The following PDE11A variants were observed in gnomAD, a reference collection of about 807,000 sequenced individuals.
PDE11A encodes the protein phosphodiesterase 11A.
A neutral mutation model predicts 100.5 loss-of-function variants in PDE11A; 100 were observed. That is an observed-to-expected ratio of 1.00 (90% CI 0.85 to 1.18). The LOEUF is 1.18. PDE11A is among the 50% of genes most tolerant of loss of function. The pLI is 0.00. For synonymous variants in PDE11A, 381 were observed against 420.8 expected, an observed-to-expected ratio of 0.91 and a Z score of 1.16; for missense variants, 1,141 against 1,152.6, an observed-to-expected ratio of 0.99 and a Z score of 0.15.
chr2:177,811,991 A>T (rs771486257), intron 9 of PDE11A, among the ~76,000 whole-genome samples: 5 of 152,302 alleles, frequency 3.3e-5, no homozygotes, highest in Admixed American at 1.3e-4. Context: ...CAGTCAGCAT[A>T]GTCTTACAAG....
chr2:178,096,749 G>A (rs976017361), intron 2 of PDE11A, among the ~76,000 whole-genome samples: 2 of 152,270 alleles, frequency 1.3e-5, no homozygotes, highest in East Asian at 1.9e-4. Flanking sequence ...CCACATCACT[G>A]TCAGCATTTT....
chr2:177,702,632 T>C (rs2081216673), intron 13 of PDE11A: 1 of 152,070 alleles, frequency 6.6e-6, no homozygotes, highest in Admixed American at 6.6e-5. Context: ...TTCCTCCAAC[T>C]TCAGTGGGAG....
intron 2 of PDE11A, among the ~76,000 whole-genome samples, chr2:177,917,310 G>A (rs2084968859): frequency 6.6e-6 from 1 of 152,050 alleles, no homozygotes; most frequent in Non-Finnish European, 1.5e-5. Context: ...TGTTCCCATG[G>A]CCTTGATTTC....
intron 6 of PDE11A, among the ~76,000 whole-genome samples, chr2:177,832,554 C>CGTCTATCT (rs1558961247): frequency 2.7e-5 from 4 of 146,290 alleles, no homozygotes; most frequent in Non-Finnish European, 6.0e-5. Context: ...TACTCACATC[C>CGTCTATCT]ATCTATCTAT....
At chr2:178,042,477 C>A (rs1292305049) in intron 1 of PDE11A, among the ~76,000 whole-genome samples, 75 of 138,496 alleles carry the variant, frequency 5.4e-4, no homozygotes, top group African/African-American at 6.2e-4. Context: ...GACTCTGTCT[C>A]AAAAAAAAAA....
intron 2 of PDE11A, among the ~76,000 whole-genome samples, chr2:178,013,352 A>C (rs1191804375): frequency 6.6e-6 from 1 of 152,122 alleles, no homozygotes; most frequent in Non-Finnish European, 1.5e-5. Flanking sequence ...GAATTCAAAA[A>C]CCTTTAAGGA....
chr2:177,694,953 G>T (rs1237236519), intron 15 of PDE11A, among the ~76,000 whole-genome samples: 2 of 151,446 alleles, frequency 1.3e-5, no homozygotes, highest in Non-Finnish European at 2.9e-5. Context: ...TCTAACAACA[G>T]TTTTTAGTTT....
intron 10 of PDE11A, among the ~76,000 whole-genome samples, chr2:177,728,602 T>C (rs1401379785): frequency 6.6e-6 from 1 of 152,214 alleles, no homozygotes; most frequent in Non-Finnish European, 1.5e-5. Flanking sequence ...CACTTTGCCT[T>C]GTTTCTTATA....
intron 2 of PDE11A, among the ~76,000 whole-genome samples, chr2:177,958,515 C>T (rs188178472): frequency 6.6e-5 from 10 of 152,258 alleles, no homozygotes; most frequent in Admixed American, 1.3e-4. Context: ...GTAAGTTATT[C>T]CCTTGTAACC....
At chr2:177,661,480 G>T (rs1559131537) in intron 19 of PDE11A, among the ~76,000 whole-genome samples, 1 of 152,094 alleles carries the variant, frequency 6.6e-6, no homozygotes, top group Non-Finnish European at 1.5e-5. Flanking sequence ...TTTCATTTCG[G>T]AAGCACCAAC....
At chr2:177,939,937 T>C (rs1344459723) in intron 2 of PDE11A, among the ~76,000 whole-genome samples, 1 of 152,226 alleles carries the variant, frequency 6.6e-6, no homozygotes, top group Non-Finnish European at 1.5e-5. Flanking sequence ...CTTATAAAAT[T>C]TTATGAAGCA....
chr2:178,063,036 C>A (rs1270423638), intron 1 of PDE11A, among the ~76,000 whole-genome samples: 3 of 152,150 alleles, frequency 2.0e-5, no homozygotes, highest in African/African-American at 7.2e-5. Flanking sequence ...CAAATACCAT[C>A]ATTTTTAAAA....
chr2:178,016,128 C>T lies in PDE11A; in HGVS notation c.913-1668G>A, dbSNP rs940851997. 5.8e-5 allele frequency among the ~76,000 whole-genome samples: 5 copies of T among 85,814 alleles called. No homozygotes were observed. The South Asian group carries it at 1.2e-3, about 21-fold the overall frequency. 56.3% of individuals were successfully genotyped at this position (85,814 alleles called of 152,430 possible). On this transcript the variant is annotated intron_variant, in intron 1 of 19. Transcript: ENST00000286063. ...TACAGATGCAAGCCATCATGCCTGGCTAATTTTTTTTTTTTTTTTTTTTTT... is the reference window on the plus strand; with the variant it reads ...TACAGATGCAAGCCATCATGCCTGGTTAATTTTTTTTTTTTTTTTTTTTTT...
chr2:177,960,469 T>C (rs539252388), intron 2 of PDE11A, among the ~76,000 whole-genome samples: 1 of 152,240 alleles, frequency 6.6e-6, no homozygotes, highest in East Asian at 1.9e-4. Flanking sequence ...ATTAGAGTCA[T>C]TTCATGTCTA....
At position 177,647,265 on chromosome 2, in the gene PDE11A, C is replaced by T. The variant is rs116347875; in HGVS notation, c.2646+16601G>A. 6.6e-3 allele frequency among the ~76,000 whole-genome samples: 1,011 copies of T among 152,288 alleles called. 12 individuals carry two copies. Among genetic ancestry groups the T allele is most frequent in the African/African-American group, 0.023 (942 of 41,556 alleles). ...AACTTTTAGTTTGTTGAGCTGCAAACATTCATTCACTGTACATTTTTTGTA... is the reference window on the plus strand; with the variant it reads ...AACTTTTAGTTTGTTGAGCTGCAAATATTCATTCACTGTACATTTTTTGTA... On this transcript the variant is annotated intron_variant, in intron 19 of 19. Coordinates refer to ENST00000286063, the MANE Select transcript of PDE11A (RefSeq NM_016953.4).
intron 5 of PDE11A, among the ~76,000 whole-genome samples, chr2:177,873,279 A>G (rs537560200): frequency 7.8e-4 from 119 of 152,292 alleles, no homozygotes; most frequent in African/African-American, 2.6e-3. Flanking sequence ...TATATGAGAG[A>G]TATAACTTAT....
intron 2 of PDE11A, chr2:177,997,344 T>A (rs35286879): frequency 0.071 from 62,546 of 876,538 alleles, 2,725 homozygotes; most frequent in South Asian, 0.093. Context: ...GCATCTCTTT[T>A]TTGTTCTGCT....
At position 177,629,328 on chromosome 2, in the gene PDE11A, G is replaced by A. The variant is rs2079880997; in HGVS notation, c.*79C>T. 7.8e-7 allele frequency: 1 copy of A among 1,279,698 alleles called. No homozygotes were observed. The highest frequency in any genetic ancestry group is 1.5e-5 in the African/African-American group (1 of 68,824). The allele number at this position is 1,279,698 out of a possible 1,614,324, so 79.3% of individuals were successfully genotyped here. A position where few individuals can be genotyped will look rare whatever the true frequency, so the allele number is the denominator to read the frequency against. On this transcript the variant is annotated 3_prime_UTR_variant, in exon 20 of 20. Transcript: ENST00000286063. ...GATGTTAGGTCTTTCTGAGCTAAAAGAACAAAAGGATGACATTGCTGGACT... is the reference window on the plus strand; with the variant it reads ...GATGTTAGGTCTTTCTGAGCTAAAAAAACAAAAGGATGACATTGCTGGACT...
intron 10 of PDE11A, among the ~76,000 whole-genome samples, chr2:177,765,655 C>A (rs944682489): frequency 1.3e-5 from 2 of 152,178 alleles, no homozygotes; most frequent in Admixed American, 6.5e-5. Flanking sequence ...TGCACTGAAA[C>A]CATACCAAAG....
Sources: allele counts gnomAD v4.1 joint callset (sites outside exome capture counted in the v4.1 genomes callset), GRCh38; gene constraint gnomAD v4.1.1; transcripts MANE v1.5; gene names NCBI Gene and HGNC (gene_info 2026-07-23, HGNC 2026-07-21).